LTBP2: variants seen among roughly 807,000 people sequenced by gnomAD.
The protein encoded by LTBP2 is latent transforming growth factor beta binding protein 2.
In LTBP2, 103 loss-of-function variants were observed where a neutral mutation model predicts 210.6. The observed-to-expected ratio is 0.49, with a 90% CI of 0.42 to 0.58. LTBP2 has a LOEUF of 0.58. Ranked by LOEUF, LTBP2 falls within the 20% of genes least tolerant of loss-of-function variation. The pLI, the probability that LTBP2 is intolerant of heterozygous loss-of-function variation, is 0.00. For synonymous variants in LTBP2, 1,007 were observed against 1,015.0 expected (o/e 0.99, Z 0.15); for missense variants, 2,313 against 2,494.5 (o/e 0.93, Z 1.55).
Position 74,582,019 on chromosome 14 carries a change from G to GTT in LTBP2, c.830+3833_830+3834dup, listed in dbSNP as rs1162135097. ...GTGACAAAGCCTGCCTAGGGTTGTT[G>GTT]TTTTTTTTTTTTTTTTTGAGATGGA... On this transcript the variant is annotated intron_variant, in intron 3 of 35. Transcript: ENST00000261978. 2.9e-3 allele frequency among the ~76,000 whole-genome samples: 374 copies of GTT among 128,486 alleles called. 1 individual carries two copies. The highest frequency in any genetic ancestry group is 5.9e-3 in the African/African-American group (207 of 35,024). The allele number at this position is 128,486 out of a possible 152,430, so 84.3% of individuals were successfully genotyped here.
Position 74,502,678 on chromosome 14 carries a change from C to T in LTBP2, c.5145G>A (p.Gln1715=). The T allele has an allele frequency of 1.2e-6, 2 of 1,614,116 alleles. No homozygotes were observed. The highest frequency in any genetic ancestry group is 1.7e-6 in the Non-Finnish European group (2 of 1,180,016). ...CTGGATGGCTGGCCACGTAGTGGGG[C>T]TGGAGTTCTGAGGGCTGCAAAGGAG... ...LESPLQPSEL[Q]PHYVASHPEP... is the part of the protein sequence containing the mutation. Residue 1715 remains glutamine (Q), a synonymous_variant, in exon 34 of 36, where the codon CAG becomes CAA. Coordinates refer to ENST00000261978, the MANE Select transcript of LTBP2 (RefSeq NM_000428.3).
At chr14:74,502,211 C>T (rs910292404) in intron 34 of LTBP2, among the ~76,000 whole-genome samples, 4 of 152,094 alleles carry the variant, frequency 2.6e-5, no homozygotes, top group Middle Eastern at 3.2e-3. Context: ...GTGTTTGGAT[C>T]GCACCATTCA....
At chr14:74,509,099 A>C in intron 22 of LTBP2, 139 bp downstream of exon 22, 3 of 1,563,982 alleles carry the variant, frequency 1.9e-6, no homozygotes, top group Non-Finnish European at 2.6e-6. Context: ...CACAGCTGGG[A>C]CAAGCTTGTG....
chr14:74,563,835 C>A (rs953330787), intron 3 of LTBP2, among the ~76,000 whole-genome samples: 1 of 150,214 alleles, frequency 6.7e-6, no homozygotes, highest in Non-Finnish European at 1.5e-5. Flanking sequence ...AGTCTGCTGG[C>A]TCCTGGTGTA....
rs536427718 is a variant in LTBP2, at chr14:74,547,994, A to G, written c.1789+1869T>C. Among the ~76,000 whole-genome samples the G allele has an allele frequency of 6.6e-5, 10 of 152,024 alleles. No individual in the cohort carries two copies. The South Asian group carries it at 1.7e-3, about 25-fold the overall frequency. On this transcript the variant is annotated intron_variant, in intron 8 of 35. Coordinates refer to ENST00000261978, the MANE Select transcript of LTBP2 (RefSeq NM_000428.3). ...TCTCTTGGTCTTACCTGCACATGCA[A>G]TTTCCTTGGGTTGTTAAACTCTTCC...
At chr14:74,540,546 A>T (rs969683436) in intron 8 of LTBP2, among the ~76,000 whole-genome samples, 3 of 151,114 alleles carry the variant, frequency 2.0e-5, no homozygotes, top group Non-Finnish European at 4.4e-5. Context: ...CGGGCGGATC[A>T]TGAGGTCAGG....
chr14:74,540,710 A>G (rs12889797), intron 8 of LTBP2, among the ~76,000 whole-genome samples: 96,460 of 137,628 alleles, frequency 0.7, 36,216 homozygotes, highest in Middle Eastern at 0.87. Context: ...GCTTGCAGTG[A>G]GCCGAGATTG....
At chr14:74,504,565 G>T (rs956378570) in intron 30 of LTBP2, among the ~76,000 whole-genome samples, 8 of 152,234 alleles carry the variant, frequency 5.3e-5, no homozygotes, top group Non-Finnish European at 8.8e-5. Context: ...GGAGAGCAGG[G>T]AAACTGAGGT....
In LTBP2 at chr14:74,510,094, G is replaced by T; in HGVS notation, c.3148C>A (p.Gln1050Lys). 6.2e-7 allele frequency: 1 copy of T among 1,614,096 alleles called. No individual in the cohort carries two copies. Among genetic ancestry groups the T allele is most frequent in the East Asian group, 2.2e-5 (1 of 44,884 alleles). The change falls in exon 20 of 36, where the codon CAA becomes AAA. Residue 1050 changes from glutamine (Q) to lysine (K), a missense_variant. Around this residue, in one of 3 missense-constraint regions of LTBP2, gnomAD observed 1,867 missense variants for 1,976.9 expected, o/e 0.94. Transcript: ENST00000261978. ...GGGCGCTTCAGCATCTCTGTACCTTGGCAGCCCTTCTCATCTGAGGTGACC... is the reference window on the plus strand; with the variant it reads ...GGGCGCTTCAGCATCTCTGTACCTTTGCAGCCCTTCTCATCTGAGGTGACC... ...YEVTSDEKGC[Q>K]DVDECASRAS... is the part of the protein sequence containing the mutation.
intron 3 of LTBP2, among the ~76,000 whole-genome samples, chr14:74,561,276 C>A (rs1452670756): frequency 6.6e-6 from 1 of 152,088 alleles, no homozygotes; most frequent in East Asian, 1.9e-4. Flanking sequence ...CGAGATCACG[C>A]CATTGCATTC....
Position 74,510,200 on chromosome 14 carries a change from ACACT to A in LTBP2, c.3038_3041del (p.Glu1013ValfsTer2). ...CATGGGCACAGACCCCGGGAGTCAGACACTCATTCACATCTGTGGGAGAGAAGTC... is the reference window on the plus strand; with the variant it reads ...CATGGGCACAGACCCCGGGAGTCAGACATTCACATCTGTGGGAGAGAAGTC... On this transcript the variant is annotated frameshift_variant, in exon 20 of 36. Transcript: ENST00000261978. LOFTEE classifies it high-confidence loss of function. 1 of 1,613,810 alleles carries A rather than the reference ACACT, an allele frequency of 6.2e-7. No homozygotes were observed. The highest frequency in any genetic ancestry group is 8.5e-7 in the Non-Finnish European group (1 of 1,180,004).
chr14:74,528,243 A>G (rs1259259017), intron 12 of LTBP2, among the ~76,000 whole-genome samples: 1 of 151,646 alleles, frequency 6.6e-6, no homozygotes, highest in Non-Finnish European at 1.5e-5. Flanking sequence ...GATCTTTCCC[A>G]CCTCCACAAG....
intron 2 of LTBP2, among the ~76,000 whole-genome samples, chr14:74,589,601 G>A (rs891978721): frequency 2.6e-5 from 4 of 152,088 alleles, no homozygotes; most frequent in African/African-American, 4.8e-5. Context: ...CTGCCACCAC[G>A]GCAGGATTTT....
intron 2 of LTBP2, among the ~76,000 whole-genome samples, chr14:74,599,229 C>A (rs557249211): frequency 6.6e-6 from 1 of 152,358 alleles, no homozygotes; most frequent in South Asian, 2.1e-4. Context: ...GTGCCAGAAT[C>A]CAAAGTACAT....
At chr14:74,509,072 A>T in intron 22 of LTBP2, 120 bp from the exon 23 acceptor site, 1 of 1,569,144 alleles carries the variant, frequency 6.4e-7, no homozygotes, top group Non-Finnish European at 8.7e-7. Context: ...ACGGGGGATC[A>T]TCCCCTCATG....
chr14:74,537,927 G>A (rs12893681), intron 8 of LTBP2, among the ~76,000 whole-genome samples: 50,994 of 151,738 alleles, frequency 0.34, 8,976 homozygotes, highest in Non-Finnish European at 0.4. Context: ...GCTAACTTTT[G>A]TATCTTTAGT....
chr14:74,573,921 C>T (rs1373329526), intron 3 of LTBP2, among the ~76,000 whole-genome samples: 1 of 152,140 alleles, frequency 6.6e-6, no homozygotes, highest in Non-Finnish European at 1.5e-5. Flanking sequence ...AAAGAACACA[C>T]TTGATAGCAC....
intron 25 of LTBP2, among the ~76,000 whole-genome samples, 158 bp downstream of exon 25, chr14:74,507,815 T>C (rs1267308536): frequency 6.6e-6 from 1 of 152,258 alleles, no homozygotes; most frequent in Non-Finnish European, 1.5e-5. Flanking sequence ...CATTTTGTCA[T>C]CCTTGGACAG....
chr14:74,590,258 T>G (rs147346692), intron 2 of LTBP2, among the ~76,000 whole-genome samples: 74 of 152,250 alleles, frequency 4.9e-4, no homozygotes, highest in African/African-American at 1.7e-3. Flanking sequence ...GAACCAAAAG[T>G]AGGTCAACCA....
Sources: allele counts gnomAD v4.1 joint callset (sites outside exome capture counted in the v4.1 genomes callset), GRCh38; gene constraint gnomAD v4.1.1; regional missense constraint gnomAD v4.1.1; transcripts MANE v1.5; gene names NCBI Gene and HGNC (gene_info 2026-07-23, HGNC 2026-07-21).